The following MCM10 variants were observed in gnomAD, a reference collection of about 807,000 sequenced individuals.
MCM10 encodes protein MCM10 homolog.
MCM10 carries 91 observed loss-of-function variants against 109.9 expected under a neutral mutation model. That is an observed-to-expected ratio of 0.83 (90% CI 0.70 to 0.99). The LOEUF (loss-of-function observed/expected upper bound fraction) is 0.99. Among genes scored for constraint, MCM10 ranks in the 50% least tolerant of loss-of-function variants. The pLI, the probability that MCM10 is intolerant of heterozygous loss-of-function variation, is 0.00. For synonymous variants in MCM10, 380 were observed against 387.2 expected, an observed-to-expected ratio of 0.98 and a Z score of 0.22; for missense variants, 1,077 against 1,061.2, an observed-to-expected ratio of 1.01 and a Z score of -0.21.
chr10:13,204,401 G>A (rs1328468392), intron 18 of MCM10, 37 bp downstream of exon 18: 3 of 1,607,902 alleles, frequency 1.9e-6, no homozygotes, highest in South Asian at 1.1e-5. Flanking sequence ...TCCCACGTGG[G>A]GATTTTCATC....
At position 13,197,646 on chromosome 10, in the gene MCM10, G is replaced by A; in HGVS notation, c.1998G>A (p.Arg666=). 1.2e-6 allele frequency: 2 copies of A among 1,613,260 alleles called. No individual in the cohort carries two copies. The highest frequency in any genetic ancestry group is 4.5e-5 in the East Asian group (2 of 44,838). ...AKKLAAITKL[R]AKGQVLTKTN... is the part of the protein sequence containing the mutation. ...AGTTAGCTGCTATCACCAAATTAAG[G>A]GCAAAAGGCCAGGTTCTTACAAAAA... Residue 666 remains arginine (R), a synonymous_variant, in exon 15 of 20, where the codon AGG becomes AGA. Transcript: ENST00000378714.
At chr10:13,196,808 C>T (rs11591358) in intron 14 of MCM10, among the ~76,000 whole-genome samples, 22,857 of 152,114 alleles carry the variant, frequency 0.15, 2,018 homozygotes, top group South Asian at 0.19. Flanking sequence ...CCACTGCGCC[C>T]GGCCAGGAAT....
intron 2 of MCM10, 83 bp downstream of exon 2, chr10:13,164,292 A>G: frequency 7.7e-7 from 1 of 1,305,834 alleles, no homozygotes. Flanking sequence ...TCTACCTGTA[A>G]AATGGTGAAA....
chr10:13,204,251 C>T lies in MCM10; in HGVS notation c.2385C>T (p.Thr795=), dbSNP rs761920329. The T allele has an allele frequency of 6.2e-7, 1 of 1,614,156 alleles. No homozygotes were observed. The highest frequency in any genetic ancestry group is 8.5e-7 in the Non-Finnish European group (1 of 1,180,026). The stretch of plus-strand genomic sequence containing the variant: ...ATACCCACTTCAAGCTGCTGGAGAC[C>T]TGCGTCAGTGAGCAGCATGAATACC... ...CAYTHFKLLE[T]CVSEQHEYHW... The change falls in exon 18 of 20, where the codon ACC becomes ACT. Residue 795 remains threonine, a synonymous_variant. Coordinates refer to ENST00000378714, the MANE Select transcript of MCM10 (RefSeq NM_018518.5).
Position 13,211,040 on chromosome 10 carries a change from G to A in MCM10, c.*1730G>A, listed in dbSNP as rs1001835819. ...TATAATATGCTTGTAAAGGCTGAGG[G>A]TGAGCTGTATCTGGATGCCTTTTTA... On this transcript the variant is annotated 3_prime_UTR_variant, in exon 20 of 20. Transcript: ENST00000378714. The A allele has an allele frequency of 6.6e-6, 1 of 152,002 alleles. No homozygotes were observed. The highest frequency in any genetic ancestry group is 2.4e-5 in the African/African-American group (1 of 41,370). 9.4% of individuals were successfully genotyped at this position (152,002 alleles called of 1,614,324 possible). A position where few individuals can be genotyped will look rare whatever the true frequency, so the allele number is the denominator to read the frequency against.
chr10:13,193,925 T>C (rs1306975450), intron 13 of MCM10, among the ~76,000 whole-genome samples: 1 of 152,066 alleles, frequency 6.6e-6, no homozygotes, highest in Non-Finnish European at 1.5e-5. Flanking sequence ...GGCTGTGCGG[T>C]TGGGAAGAGT....
At chr10:13,188,838 G>C in intron 9 of MCM10, 43 bp from the exon 10 acceptor site, 1 of 1,558,280 alleles carries the variant, frequency 6.4e-7, no homozygotes, top group Non-Finnish European at 8.9e-7. Context: ...CTGTTTCCCA[G>C]CCTGTTGCCC....
At chr10:13,202,764 T>G (rs1475804767) in intron 17 of MCM10, among the ~76,000 whole-genome samples, 1 of 152,222 alleles carries the variant, frequency 6.6e-6, no homozygotes, top group East Asian at 1.9e-4. Context: ...CTTAGTGGGT[T>G]TGTCTCCTGT....
At chr10:13,192,410 A>C in intron 12 of MCM10, 41 bp from the exon 13 acceptor site, 1 of 1,611,932 alleles carries the variant, frequency 6.2e-7, no homozygotes, top group Non-Finnish European at 8.5e-7. Context: ...GTGTTCCCTC[A>C]GCCTCCCAGG....
At chr10:13,206,096 C>G (rs1834576877) in intron 18 of MCM10, among the ~76,000 whole-genome samples, 1 of 152,166 alleles carries the variant, frequency 6.6e-6, no homozygotes, top group East Asian at 1.9e-4. Context: ...TGCTGTGATC[C>G]TCTTGTTAAT....
chr10:13,167,585 C>CGG (rs56184428), intron 2 of MCM10, among the ~76,000 whole-genome samples: 11,403 of 144,548 alleles, frequency 0.079, 575 homozygotes, highest in Non-Finnish European at 0.11. Flanking sequence ...AGGGGAGGAC[C>CGG]GGGGGGGGCA....
At chr10:13,162,223 G>A (rs1308425618) in intron 1 of MCM10, among the ~76,000 whole-genome samples, 1 of 152,198 alleles carries the variant, frequency 6.6e-6, no homozygotes, top group Non-Finnish European at 1.5e-5. Context: ...TATGGGTGTC[G>A]GGGTGGGTAG....
chr10:13,177,118 A>G (rs999836668), intron 6 of MCM10, among the ~76,000 whole-genome samples: 22 of 152,196 alleles, frequency 1.4e-4, no homozygotes, highest in Non-Finnish European at 1.5e-5. Flanking sequence ...CCCTATGGGT[A>G]ATGAACCATG....
intron 5 of MCM10, among the ~76,000 whole-genome samples, chr10:13,173,348 G>A (rs1273111148): frequency 6.6e-6 from 1 of 152,082 alleles, no homozygotes; most frequent in Admixed American, 6.5e-5. Flanking sequence ...GACTTGTGAG[G>A]TTATTCCCTT....
At chr10:13,196,524 AT>A (rs1242712424) in intron 14 of MCM10, among the ~76,000 whole-genome samples, 1 of 151,780 alleles carries the variant, frequency 6.6e-6, no homozygotes, top group African/African-American at 2.4e-5. Flanking sequence ...TTATATATAT[AT>A]TTTTTGAGAT....
At chr10:13,179,599 A>G (rs915566940) in intron 6 of MCM10, among the ~76,000 whole-genome samples, 2 of 152,222 alleles carry the variant, frequency 1.3e-5, no homozygotes, top group African/African-American at 4.8e-5. Flanking sequence ...GTCTGCAAAT[A>G]TATAACGCTA....
chr10:13,174,695 G>A lies in MCM10; in HGVS notation c.593-815G>A, dbSNP rs562988548. 8.5e-5 allele frequency among the ~76,000 whole-genome samples: 13 copies of A among 152,294 alleles called. No homozygotes were observed. The East Asian group carries it at 2.3e-3, about 27-fold the overall frequency. ...GACTGATGGTCACATGTGTCTGGTAGCTAGCACCCTATTGGACAGCACCAA... is the reference window on the plus strand; with the variant it reads ...GACTGATGGTCACATGTGTCTGGTAACTAGCACCCTATTGGACAGCACCAA... On this transcript the variant is annotated intron_variant, in intron 5 of 19. Coordinates refer to ENST00000378714, the MANE Select transcript of MCM10 (RefSeq NM_018518.5).
intron 18 of MCM10, 138 bp downstream of exon 18, chr10:13,204,502 A>C: frequency 9.3e-7 from 1 of 1,079,800 alleles, no homozygotes; most frequent in Non-Finnish European, 1.3e-6. Context: ...TTGGGACTCA[A>C]GCTGTTAACT....
intron 9 of MCM10, among the ~76,000 whole-genome samples, chr10:13,186,999 G>T: frequency 6.6e-6 from 1 of 152,042 alleles, no homozygotes; most frequent in Admixed American, 6.6e-5. Context: ...CTCCAAAAAA[G>T]AATATAAATA....
Sources: allele counts gnomAD v4.1 joint callset (sites outside exome capture counted in the v4.1 genomes callset), GRCh38; gene constraint gnomAD v4.1.1; transcripts MANE v1.5; gene names NCBI Gene and HGNC (gene_info 2026-07-23, HGNC 2026-07-21).